Variants in RGS6 observed in about 807,000 individuals in gnomAD.
The protein encoded by RGS6 is regulator of G-protein signaling 6.
Under a neutral mutation model 78.5 loss-of-function variants are expected in RGS6, and 30 were observed. The ratio of observed to expected loss-of-function variants is 0.38; its 90% CI spans 0.29 to 0.52. The LOEUF (loss-of-function observed/expected upper bound fraction) is 0.52. RGS6 is among the 20% of genes least tolerant of loss of function. The pLI, the probability that RGS6 is intolerant of heterozygous loss-of-function variation, is 0.85. For missense variants in RGS6, 495 were observed against 609.7 expected (o/e 0.81, Z 1.98); for synonymous variants, 206 against 206.0 (o/e 1.00, Z 0.00).
chr14:72,405,672 G>T (rs1290261939), intron 3 of RGS6, among the ~76,000 whole-genome samples: 2 of 152,192 alleles, frequency 1.3e-5, no homozygotes, highest in Non-Finnish European at 1.5e-5. Flanking sequence ...ATGTGGCCTT[G>T]TGTCATCACA....
At chr14:72,066,135 C>T (rs1303310819) in intron 2 of RGS6, among the ~76,000 whole-genome samples, 2 of 152,028 alleles carry the variant, frequency 1.3e-5, no homozygotes, top group East Asian at 3.9e-4. Context: ...TAAAATATGC[C>T]TCGATTTCAG....
intron 3 of RGS6, among the ~76,000 whole-genome samples, chr14:72,373,131 A>G (rs1429734162): frequency 2.6e-5 from 4 of 152,220 alleles, no homozygotes; most frequent in African/African-American, 9.6e-5. Context: ...TCCTCTAGAC[A>G]AAGCTGTGAA....
intron 2 of RGS6, among the ~76,000 whole-genome samples, chr14:71,982,700 C>T (rs940670612): frequency 2.0e-5 from 3 of 152,222 alleles, no homozygotes; most frequent in Non-Finnish European, 4.4e-5. Context: ...TGACAATGCT[C>T]TTGAGAAGAA....
At chr14:72,559,487 G>C (rs1008695806) in intron 17 of RGS6, among the ~76,000 whole-genome samples, 3 of 152,210 alleles carry the variant, frequency 2.0e-5, no homozygotes, top group Non-Finnish European at 4.4e-5. Flanking sequence ...ACTGGGTAGC[G>C]AGTAGATTGC....
At chr14:72,351,342 C>T (rs1467976505) in intron 2 of RGS6, among the ~76,000 whole-genome samples, 1 of 152,066 alleles carries the variant, frequency 6.6e-6, no homozygotes, top group Admixed American at 6.6e-5. Context: ...ATTGGTTTTC[C>T]GGTTTAGGCA....
intron 2 of RGS6, among the ~76,000 whole-genome samples, chr14:72,184,519 C>G (rs1288217187): frequency 1.3e-5 from 2 of 152,056 alleles, no homozygotes; most frequent in Non-Finnish European, 2.9e-5. Flanking sequence ...TTAATTTATG[C>G]TTTCCCTGGA....
At chr14:71,880,191 C>T in the RGS6 span, among the ~76,000 whole-genome samples, 29 of 152,114 alleles carry the variant, frequency 1.9e-4, no homozygotes, top group Non-Finnish European at 3.7e-4. Context: ...CTAAGCAGCA[C>T]GGCATTCAAG....
chr14:72,165,207 A>G (rs965229723), intron 2 of RGS6, among the ~76,000 whole-genome samples: 1 of 152,244 alleles, frequency 6.6e-6, no homozygotes, highest in Admixed American at 6.5e-5. Context: ...AAAAGTCAGC[A>G]TAATGCGTAT....
intron 2 of RGS6, among the ~76,000 whole-genome samples, chr14:72,196,945 A>G (rs1190342715): frequency 1.3e-5 from 2 of 152,258 alleles, no homozygotes; most frequent in Non-Finnish European, 2.9e-5. Context: ...AATTGCTTGA[A>G]TTATTGAGGG....
chr14:71,971,577 C>T (rs138552960), intron 2 of RGS6, among the ~76,000 whole-genome samples: 70 of 152,274 alleles, frequency 4.6e-4, no homozygotes, highest in Middle Eastern at 6.8e-3. Context: ...TGCTGTGTAA[C>T]GAGTTATCTC....
At chr14:72,425,044 G>A (rs2094376490) in intron 3 of RGS6, among the ~76,000 whole-genome samples, 1 of 152,214 alleles carries the variant, frequency 6.6e-6, no homozygotes, top group African/African-American at 2.4e-5. Context: ...TTCAACAACA[G>A]CTAATGAAAG....
At chr14:71,918,975 G>C in the RGS6 span, among the ~76,000 whole-genome samples, 1 of 139,392 alleles carries the variant, frequency 7.2e-6, no homozygotes, top group Non-Finnish European at 1.6e-5. Flanking sequence ...TTTATGGTTA[G>C]AGAAAATTTT....
chr14:72,274,806 C>G (rs947660389), intron 2 of RGS6, among the ~76,000 whole-genome samples: 1 of 152,120 alleles, frequency 6.6e-6, no homozygotes, highest in African/African-American at 2.4e-5. Context: ...AGGACCTCAC[C>G]CCTGCCAACT....
intron 2 of RGS6, among the ~76,000 whole-genome samples, chr14:72,023,934 C>T (rs567982603): frequency 6.6e-6 from 1 of 152,300 alleles, no homozygotes; most frequent in Admixed American, 6.5e-5. Context: ...CATGAACTTA[C>T]TCCTTGCTCT....
At chr14:72,274,415 C>T (rs919601047) in intron 2 of RGS6, among the ~76,000 whole-genome samples, 18 of 152,172 alleles carry the variant, frequency 1.2e-4, no homozygotes, top group South Asian at 2.1e-4. Flanking sequence ...CAGCTCAACC[C>T]GCACCTCTGG....
At chr14:72,126,154 G>C (rs1164079904) in intron 2 of RGS6, among the ~76,000 whole-genome samples, 4 of 152,204 alleles carry the variant, frequency 2.6e-5, no homozygotes, top group Non-Finnish European at 5.9e-5. Context: ...TTAGGGTTGG[G>C]CTCTTTCTTC....
At chr14:72,417,149 G>A (rs946658663) in intron 3 of RGS6, among the ~76,000 whole-genome samples, 16 of 152,190 alleles carry the variant, frequency 1.1e-4, no homozygotes, top group African/African-American at 2.9e-4. Context: ...TGCCGCCAGC[G>A]TTCTGGTTTC....
intron 2 of RGS6, among the ~76,000 whole-genome samples, chr14:72,119,402 C>T (rs1597896485): frequency 1.3e-5 from 2 of 152,120 alleles, no homozygotes; most frequent in African/African-American, 4.8e-5. Context: ...TTCCATGGGC[C>T]TTTTGTGCTA....
intron 2 of RGS6, among the ~76,000 whole-genome samples, chr14:72,188,987 G>T: frequency 6.6e-6 from 1 of 152,176 alleles, no homozygotes; most frequent in East Asian, 1.9e-4. Context: ...GTGCTCGAGG[G>T]ATTACAAAAG....
Sources: gnomAD v4.1 joint callset for allele counts (sites outside exome capture counted in the v4.1 genomes callset) on GRCh38, gnomAD v4.1.1 for gene constraint, MANE v1.5 for transcripts, NCBI Gene and HGNC (gene_info 2026-07-23, HGNC 2026-07-21) for gene names.